Variants in CTNNA2 observed in about 807,000 individuals in gnomAD.
CTNNA2 encodes the protein catenin alpha-2.
CTNNA2 carries 42 observed loss-of-function variants against 101.0 expected under a neutral mutation model. The observed-to-expected ratio is 0.42, with a 90% CI of 0.32 to 0.54. The LOEUF is 0.54. Among genes scored for constraint, CTNNA2 ranks in the 20% least tolerant of loss-of-function variants. CTNNA2 has a pLI of 0.14. For missense variants in CTNNA2, 871 were observed against 1,223.1 expected (o/e 0.71, Z 4.29); for synonymous variants, 450 against 456.4 (o/e 0.99, Z 0.18).
intron 7 of CTNNA2, among the ~76,000 whole-genome samples, chr2:80,119,024 A>G (rs908200897): frequency 2.0e-5 from 3 of 152,208 alleles, no homozygotes; most frequent in Admixed American, 2.0e-4. Flanking sequence ...ATCAGATTAG[A>G]GGTGTTAGGA....
intron 7 of CTNNA2, among the ~76,000 whole-genome samples, chr2:80,275,579 G>A (rs1350760483): frequency 6.6e-6 from 1 of 152,128 alleles, no homozygotes; most frequent in Non-Finnish European, 1.5e-5. Flanking sequence ...TGAAAAAGGA[G>A]TTGTTGATAT....
chr2:79,716,729 A>G (rs1198683137), intron 2 of CTNNA2, among the ~76,000 whole-genome samples: 1 of 152,154 alleles, frequency 6.6e-6, no homozygotes, highest in African/African-American at 2.4e-5. Context: ...ATTTTATGAG[A>G]ATTTTACACA....
intron 1 of CTNNA2, among the ~76,000 whole-genome samples, chr2:79,521,986 A>G (rs1255972527): frequency 1.3e-5 from 2 of 152,240 alleles, no homozygotes; most frequent in Admixed American, 6.5e-5. Flanking sequence ...CAGTGCTGGC[A>G]GTAGTCTGGA....
intron 4 of CTNNA2, among the ~76,000 whole-genome samples, chr2:79,431,890 T>C (rs529741722): frequency 3.9e-5 from 6 of 152,266 alleles, no homozygotes; most frequent in African/African-American, 1.4e-4. Context: ...ATACTCAATA[T>C]GCAATTGTGG....
intron 1 of CTNNA2, among the ~76,000 whole-genome samples, chr2:79,192,610 T>C (rs927359803): frequency 1.9e-4 from 29 of 152,322 alleles, no homozygotes; most frequent in Middle Eastern, 3.4e-3. Flanking sequence ...GCGAATTATC[T>C]AATTTAAAAT....
At chr2:79,597,107 C>G (rs72820696) in intron 1 of CTNNA2, among the ~76,000 whole-genome samples, 2 of 152,162 alleles carry the variant, frequency 1.3e-5, no homozygotes, top group Non-Finnish European at 2.9e-5. Context: ...ATAAACTGTA[C>G]GTATATGCAT....
intron 2 of CTNNA2, among the ~76,000 whole-genome samples, chr2:79,230,541 A>G (rs1674476363): frequency 1.3e-5 from 2 of 152,248 alleles, no homozygotes; most frequent in African/African-American, 4.8e-5. Context: ...TAGAGCCCTC[A>G]TGGAGAACTT....
At chr2:80,447,438 G>A (rs1227044025) in intron 9 of CTNNA2, among the ~76,000 whole-genome samples, 1 of 152,174 alleles carries the variant, frequency 6.6e-6, no homozygotes, top group Non-Finnish European at 1.5e-5. Flanking sequence ...AAGCTTCTTG[G>A]TATGGGGTTG....
chr2:79,711,026 C>G (rs1685704145), intron 2 of CTNNA2, among the ~76,000 whole-genome samples: 2 of 152,244 alleles, frequency 1.3e-5, no homozygotes, highest in South Asian at 2.1e-4. Flanking sequence ...AAAATGCGCT[C>G]ATTTTCTCCT....
chr2:79,347,423 A>T (rs1317649952), intron 3 of CTNNA2, among the ~76,000 whole-genome samples: 1 of 152,236 alleles, frequency 6.6e-6, no homozygotes, highest in African/African-American at 2.4e-5. Context: ...ACTTTACTTA[A>T]AGGGTTGTTG....
intron 9 of CTNNA2, among the ~76,000 whole-genome samples, chr2:80,456,690 G>A (rs1684005836): frequency 6.6e-6 from 1 of 152,170 alleles, no homozygotes; most frequent in African/African-American, 2.4e-5. Context: ...CCTTAGACAG[G>A]TACTTATACA....
chr2:79,420,139 C>G (rs374011894), intron 4 of CTNNA2, among the ~76,000 whole-genome samples: 2 of 152,206 alleles, frequency 1.3e-5, no homozygotes, highest in African/African-American at 4.8e-5. Flanking sequence ...GACTCTGGGT[C>G]CCTGGAAACT....
chr2:79,598,288 G>T (rs1026010672), intron 1 of CTNNA2, among the ~76,000 whole-genome samples: 3 of 152,214 alleles, frequency 2.0e-5, no homozygotes, highest in Non-Finnish European at 4.4e-5. Flanking sequence ...GCAGGTTTTT[G>T]TGTGGACACA....
At chr2:80,179,728 A>G (rs558902482) in intron 7 of CTNNA2, among the ~76,000 whole-genome samples, 16 of 152,290 alleles carry the variant, frequency 1.1e-4, no homozygotes, top group Admixed American at 4.6e-4. Flanking sequence ...GATCTCTGCA[A>G]TCCCTCCAGA....
At chr2:79,915,306 AACACACAC>A (rs10547196) in intron 7 of CTNNA2, among the ~76,000 whole-genome samples, 6,545 of 149,326 alleles carry the variant, frequency 0.044, 160 homozygotes, top group Non-Finnish European at 0.054. Flanking sequence ...CACACACACA[AACACACAC>A]ACACACACAC....
intron 7 of CTNNA2, among the ~76,000 whole-genome samples, chr2:80,274,804 A>G (rs753582334): frequency 6.6e-6 from 1 of 152,090 alleles, no homozygotes; most frequent in South Asian, 2.1e-4. Flanking sequence ...CTCAACTTAC[A>G]TGTCAGCTCT....
intron 7 of CTNNA2, among the ~76,000 whole-genome samples, chr2:80,339,255 A>G (rs1672018979): frequency 1.3e-5 from 2 of 152,190 alleles, no homozygotes. Flanking sequence ...TGCAAGGAAT[A>G]AAATATGTTA....
At chr2:79,771,713 G>A (rs1004920484) in intron 3 of CTNNA2, among the ~76,000 whole-genome samples, 12 of 152,154 alleles carry the variant, frequency 7.9e-5, no homozygotes, top group East Asian at 7.7e-4. Context: ...GATGAGGAGT[G>A]GCTGTAAATA....
intron 7 of CTNNA2, among the ~76,000 whole-genome samples, chr2:79,932,717 A>G (rs919163059): frequency 2.6e-5 from 4 of 152,148 alleles, no homozygotes; most frequent in African/African-American, 9.7e-5. Flanking sequence ...GTACATTTTA[A>G]CAAGGCCTAT....
Sources: gnomAD v4.1 joint callset for allele counts (sites outside exome capture counted in the v4.1 genomes callset) on GRCh38, gnomAD v4.1.1 for gene constraint, MANE v1.5 for transcripts, NCBI Gene and HGNC (gene_info 2026-07-23, HGNC 2026-07-21) for gene names.